HMCN1: variants seen among roughly 807,000 people sequenced by gnomAD.
HMCN1 encodes the protein hemicentin-1.
In HMCN1, 321 loss-of-function variants were observed where a neutral mutation model predicts 625.9. That is an observed-to-expected ratio of 0.51 (90% CI 0.47 to 0.56). The LOEUF is 0.56. HMCN1 is among the 20% of genes least tolerant of loss of function. HMCN1 has a pLI of 0.00. For missense variants in HMCN1, 6,588 were observed against 6,887.3 expected (o/e 0.96, Z 1.54); for synonymous variants, 2,425 against 2,417.6 (o/e 1.00, Z -0.09).
intron 37 of HMCN1, 24 bp downstream of exon 37, chr1:186,038,059 A>T (rs778525452): frequency 2.1e-6 from 3 of 1,415,324 alleles, no homozygotes; most frequent in Non-Finnish European, 3.0e-6. Flanking sequence ...TGAACTCTGT[A>T]ACTTAATATT....
intron 4 of HMCN1, among the ~76,000 whole-genome samples, chr1:185,905,447 A>G (rs1183074988): frequency 1.3e-5 from 2 of 151,870 alleles, no homozygotes; most frequent in Non-Finnish European, 2.9e-5. Context: ...TAATAAAGGC[A>G]TAATTGCAAA....
chr1:186,076,733 C>A, intron 54 of HMCN1, 111 bp downstream of exon 54: 1 of 1,034,266 alleles, frequency 9.7e-7, no homozygotes, highest in Non-Finnish European at 1.5e-6. Context: ...ATTTAACTGG[C>A]AGTTAGACTG....
At chr1:185,795,139 T>C (rs1658280062) in intron 1 of HMCN1, among the ~76,000 whole-genome samples, 2 of 152,102 alleles carry the variant, frequency 1.3e-5, no homozygotes, top group African/African-American at 4.8e-5. Context: ...TACAACTGAG[T>C]GTCTAATAGA....
chr1:186,023,281 A>C, intron 36 of HMCN1, 128 bp downstream of exon 36: 2 of 820,910 alleles, frequency 2.4e-6, no homozygotes, highest in South Asian at 3.3e-5. Context: ...TATAAAAAAA[A>C]CCTAGGGTTT....
chr1:186,178,715 A>G lies in HMCN1; in HGVS notation c.16243A>G (p.Ile5415Val), dbSNP rs773246700. 2.5e-6 allele frequency: 4 copies of G among 1,614,132 alleles called. No individual in the cohort carries two copies. In the South Asian group the frequency reaches 3.3e-5, roughly 13 times the overall value. Residue 5415 changes from isoleucine (I) to valine (V), a missense_variant, in exon 104 of 107, where the codon ATT (isoleucine) becomes GTT (valine). Transcript: ENST00000271588. ...RTSLSRTRRTIRKTCPEGSEA... is the reference protein window; with the variant it reads ...RTSLSRTRRTVRKTCPEGSEA... ...ATCTCTCTCCAGGACTAGAAGGACT[A>G]TTAGGAAAACTTGCCCTGAAGGCTC...
chr1:186,103,381 T>C (rs1295406161), intron 68 of HMCN1, 91 bp from the exon 69 acceptor site: 1 of 990,706 alleles, frequency 1.0e-6, no homozygotes, highest in South Asian at 1.3e-5. Flanking sequence ...ATCATGTGAA[T>C]GTGAATTTGT....
intron 22 of HMCN1, 147 bp from the exon 23 acceptor site, chr1:185,993,035 T>C (rs1016972276): frequency 7.5e-5 from 53 of 710,902 alleles, no homozygotes; most frequent in Admixed American, 1.5e-4. Context: ...AAGTCCTGGC[T>C]TTTAAGATGT....
intron 49 of HMCN1, 76 bp downstream of exon 49, chr1:186,065,505 C>A: frequency 6.4e-6 from 7 of 1,089,546 alleles, no homozygotes; most frequent in Non-Finnish European, 9.0e-6. Context: ...TTTTTCTGTT[C>A]AAGTAATGTT....
At chr1:186,016,635 T>G (rs1654386054) in intron 32 of HMCN1, among the ~76,000 whole-genome samples, 1 of 152,060 alleles carries the variant, frequency 6.6e-6, no homozygotes, top group Non-Finnish European at 1.5e-5. Context: ...TGAAGGCTTT[T>G]GAATAGATGC....
intron 18 of HMCN1, among the ~76,000 whole-genome samples, chr1:185,983,891 C>T (rs1332875210): frequency 2.0e-5 from 3 of 152,130 alleles, no homozygotes; most frequent in Non-Finnish European, 4.4e-5. Context: ...TTTACAGGAA[C>T]ATTAAACAAG....
chr1:185,917,991 T>C (rs1255810506), intron 6 of HMCN1, among the ~76,000 whole-genome samples: 2 of 152,180 alleles, frequency 1.3e-5, no homozygotes, highest in East Asian at 3.9e-4. Context: ...CAAGGCTACC[T>C]ATTTACAACT....
At chr1:186,042,245 A>T (rs1196373884) in intron 40 of HMCN1, among the ~76,000 whole-genome samples, 1 of 152,108 alleles carries the variant, frequency 6.6e-6, no homozygotes, top group Non-Finnish European at 1.5e-5. Flanking sequence ...ATAATGCCCA[A>T]CCCCAGGAAT....
At chr1:185,811,972 A>G (rs1183148455) in intron 1 of HMCN1, among the ~76,000 whole-genome samples, 3 of 152,234 alleles carry the variant, frequency 2.0e-5, no homozygotes, top group Non-Finnish European at 2.9e-5. Context: ...AACTGGAGAC[A>G]GACATTAGCA....
chr1:185,783,029 G>A (rs1280824601), intron 1 of HMCN1, among the ~76,000 whole-genome samples: 1 of 152,088 alleles, frequency 6.6e-6, no homozygotes, highest in African/African-American at 2.4e-5. Flanking sequence ...ATATTTCCTG[G>A]AGACTTTGTT....
In HMCN1 at chr1:186,015,277, G is replaced by A. The variant is rs1348369112; in HGVS notation, c.4749G>A (p.Lys1583=). ...GLPMPAITWY[K]DGQPIMSSSQ... Reference sequence around the variant, plus strand: ...CAATGCCTGCCATTACTTGGTATAAGGACGGGCAGCCAATCATGTCCAGCT... The same window carrying A: ...CAATGCCTGCCATTACTTGGTATAAAGACGGGCAGCCAATCATGTCCAGCT... Residue 1583 remains lysine, a synonymous_variant, in exon 31 of 107, where the codon AAG becomes AAA. Coordinates refer to ENST00000271588, the MANE Select transcript of HMCN1 (RefSeq NM_031935.3). The A allele has an allele frequency of 3.7e-6, 6 of 1,613,642 alleles. No homozygotes were observed. Among genetic ancestry groups the A allele is most frequent in the African/African-American group, 1.3e-5 (1 of 74,900 alleles).
chr1:186,130,309 G>T (rs1056375372), intron 84 of HMCN1, among the ~76,000 whole-genome samples, 198 bp from the exon 85 acceptor site: 4 of 152,094 alleles, frequency 2.6e-5, no homozygotes, highest in African/African-American at 9.7e-5. Flanking sequence ...ACACAAAGTG[G>T]AATCATCCCC....
chr1:185,765,521 C>G (rs1378343368), intron 1 of HMCN1, among the ~76,000 whole-genome samples: 1 of 152,070 alleles, frequency 6.6e-6, no homozygotes. Context: ...ATTTAATATT[C>G]TCAGCAAAAC....
Position 185,993,518 on chromosome 1 carries a change from C to T in HMCN1, c.3505+209C>T, listed in dbSNP as rs187632950. The T allele has an allele frequency of 6.0e-4, 309 of 517,312 alleles. 3 individuals are homozygous for T. Among genetic ancestry groups the T allele is most frequent in the Non-Finnish European group, 8.2e-4 (240 of 293,034 alleles). The allele number at this position is 517,312 out of a possible 1,614,324, so 32.0% of individuals were successfully genotyped here. A position where few individuals can be genotyped will look rare whatever the true frequency, so the allele number is the denominator to read the frequency against. On this transcript the variant is annotated intron_variant, in intron 23 of 106. Transcript: ENST00000271588. ...AACAATCTTCTGTTTCTTCCTTTAT[C>T]AAATAAACTATGTTAAATTTTTGGA... is the stretch of plus-strand genomic sequence containing the variant.
At chr1:185,959,731 A>G (rs1241539566) in intron 11 of HMCN1, among the ~76,000 whole-genome samples, 1 of 152,110 alleles carries the variant, frequency 6.6e-6, no homozygotes, top group African/African-American at 2.4e-5. Context: ...CTTCTCTCCA[A>G]AGCCTAAAAT....
Sources: allele counts gnomAD v4.1 joint callset (sites outside exome capture counted in the v4.1 genomes callset), GRCh38; gene constraint gnomAD v4.1.1; transcripts MANE v1.5; gene names NCBI Gene and HGNC (gene_info 2026-07-23, HGNC 2026-07-21).